ZNF236: variants seen among roughly 807,000 people sequenced by gnomAD.
The protein encoded by ZNF236 is zinc finger protein 236.
A neutral mutation model predicts 191.2 loss-of-function variants in ZNF236; 50 were observed. The ratio of observed to expected loss-of-function variants is 0.26; its 90% CI spans 0.21 to 0.33. ZNF236 has a LOEUF of 0.33. Among genes scored for constraint, ZNF236 ranks in the 10% least tolerant of loss-of-function variants. The pLI is 1.00. For missense variants in ZNF236, 1,754 were observed against 2,374.5 expected (o/e 0.74, Z 5.43); for synonymous variants, 907 against 928.8 (o/e 0.98, Z 0.43).
At position 76,947,515 on chromosome 18, in the gene ZNF236, T is replaced by C. The variant is rs1213441327; in HGVS notation, c.4783-6T>C. 4 of 1,610,418 alleles carry C rather than the reference T, an allele frequency of 2.5e-6. No individual in the cohort carries two copies. The Admixed American group carries it at 6.8e-5, about 27-fold the overall frequency. On this transcript the variant is annotated splice_polypyrimidine_tract_variant and splice_region_variant and intron_variant, in intron 26 of 30. Transcript: ENST00000320610. Reference sequence around the variant, plus strand: ...AACTTCTGAAATAGTACTAATCTTTTGCCAGGGTCAGCAGTTCCCAGCGCT... The same window carrying C: ...AACTTCTGAAATAGTACTAATCTTTCGCCAGGGTCAGCAGTTCCCAGCGCT...
At position 76,921,908 on chromosome 18, in the gene ZNF236, CAGTG is replaced by C. The variant is rs1967547304; in HGVS notation, c.3558-1159_3558-1156del. Among the ~76,000 whole-genome samples the C allele has an allele frequency of 2.0e-5, 3 of 151,934 alleles. No individual in the cohort carries two copies. The South Asian group carries it at 6.3e-4, about 32-fold the overall frequency. ...TAAAAAAGTTCAAGGTTCAGACTCC[CAGTG>C]AGTAAGTGTGATGAGAAACAAAAAA... On this transcript the variant is annotated intron_variant, in intron 20 of 30. Transcript: ENST00000320610.
At chr18:76,828,914 G>A (rs2122380824) in intron 1 of ZNF236, among the ~76,000 whole-genome samples, 1 of 152,136 alleles carries the variant, frequency 6.6e-6, no homozygotes, top group East Asian at 1.9e-4. Flanking sequence ...AATCTGCCCC[G>A]CTTGGCCTCC....
Position 76,875,725 on chromosome 18 carries a change from T to G in ZNF236, c.840+61T>G. 7.5e-6 allele frequency: 10 copies of G among 1,326,310 alleles called. No homozygotes were observed. Among genetic ancestry groups the G allele is most frequent in the Non-Finnish European group, 9.8e-6 (10 of 1,023,076 alleles). The allele number at this position is 1,326,310 out of a possible 1,614,324, so 82.2% of individuals were successfully genotyped here. A position where few individuals can be genotyped will look rare whatever the true frequency, so the allele number is the denominator to read the frequency against. On this transcript the variant is annotated intron_variant, in intron 6 of 30. Transcript: ENST00000320610. The surrounding 1 kb of genome is among the most constrained non-coding windows in gnomAD (Gnocchi z 4.3). ...AGGGGACAGTAGGTATCTTTTGGGTTAATAAACGGACCTGAGAAATTCTTT... is the reference window on the plus strand; with the variant it reads ...AGGGGACAGTAGGTATCTTTTGGGTGAATAAACGGACCTGAGAAATTCTTT...
intron 8 of ZNF236, 35 bp from the exon 9 acceptor site, chr18:76,881,249 T>C (rs1976883759): frequency 6.3e-7 from 1 of 1,585,844 alleles, no homozygotes; most frequent in African/African-American, 1.4e-5. Flanking sequence ...TGGGCCATCG[T>C]TACCTTCTAA....
rs772899305 is a variant in ZNF236, at chr18:76,881,382, A to G, written c.1287A>G (p.Pro429=). 1.2e-6 allele frequency: 2 copies of G among 1,614,180 alleles called. No homozygotes were observed. Among genetic ancestry groups the G allele is most frequent in the East Asian group, 4.5e-5 (2 of 44,880 alleles). ...CCTCTGCACCACACGCTCAAAACCC[A>G]GATGTTTCCAGCGTTTCAAATGAGC... The part of the protein sequence containing the change: ...AKTSAPHAQN[P]DVSSVSNEQT... Residue 429 remains proline, a synonymous_variant, in exon 9 of 31, where the codon CCA becomes CCG. Transcript: ENST00000320610.
At chr18:76,932,142 T>C (rs1171865408) in intron 25 of ZNF236, among the ~76,000 whole-genome samples, 2 of 152,114 alleles carry the variant, frequency 1.3e-5, no homozygotes, top group African/African-American at 4.8e-5. Flanking sequence ...GACTATAAAA[T>C]TACAGCTGTA....
intron 9 of ZNF236, 142 bp from the exon 10 acceptor site, chr18:76,894,871 G>A: frequency 1.7e-6 from 2 of 1,156,458 alleles, no homozygotes; most frequent in Non-Finnish European, 2.5e-6. Context: ...CCTAGCCCTC[G>A]ATAATGTCAG....
intron 26 of ZNF236, among the ~76,000 whole-genome samples, chr18:76,939,459 T>C (rs1288997531): frequency 1.3e-5 from 2 of 152,162 alleles, no homozygotes; most frequent in Non-Finnish European, 2.9e-5. Context: ...CTACCTGTCA[T>C]CTTGGTCACT....
chr18:76,842,549 C>T (rs1031581496), intron 1 of ZNF236, among the ~76,000 whole-genome samples: 3 of 151,402 alleles, frequency 2.0e-5, no homozygotes, highest in South Asian at 2.1e-4. Flanking sequence ...GTAGGGAGTT[C>T]GAGACCAGTG....
At position 76,927,665 on chromosome 18, in the gene ZNF236, T is replaced by C. The variant is rs1967741716; in HGVS notation, c.4414+148T>C. On this transcript the variant is annotated intron_variant, in intron 24 of 30. Coordinates refer to ENST00000320610, the MANE Select transcript of ZNF236 (RefSeq NM_001306089.2). This position sits in a 1 kb window ranked among gnomAD's most constrained non-coding sequence, Gnocchi z 5.4. ...AAATGTCCTGAGAATAAAATAAGCT[T>C]TTCTTACAATTAATGATATGTATTT... The C allele has an allele frequency of 1.8e-6, 2 of 1,124,878 alleles. No homozygotes were observed. The highest frequency in any genetic ancestry group is 5.2e-5 in the East Asian group (2 of 38,586). The allele number at this position is 1,124,878 out of a possible 1,614,324, so 69.7% of individuals were successfully genotyped here. A position where few individuals can be genotyped will look rare whatever the true frequency, so the allele number is the denominator to read the frequency against.
intron 3 of ZNF236, among the ~76,000 whole-genome samples, chr18:76,861,514 A>C (rs909126723): frequency 2.6e-5 from 4 of 152,224 alleles, no homozygotes; most frequent in Admixed American, 2.0e-4. Context: ...CTATTATTGC[A>C]TAAGAAAGGA....
rs533502746 is a variant in ZNF236, at chr18:76,866,053, T to A, written c.364-2632T>A. Among the ~76,000 whole-genome samples the A allele has an allele frequency of 4.6e-5, 7 of 152,374 alleles. No homozygotes were observed. The South Asian group carries it at 1.4e-3, about 32-fold the overall frequency. On this transcript the variant is annotated intron_variant, in intron 3 of 30. Transcript: ENST00000320610. The stretch of plus-strand genomic sequence containing the variant: ...AAACCAGAAAAATTACTGTAGTTTT[T>A]AAATCACTTAGGAATTTTTCTTAAA...
At chr18:76,922,758 T>A (rs997531846) in intron 20 of ZNF236, among the ~76,000 whole-genome samples, 3 of 152,106 alleles carry the variant, frequency 2.0e-5, no homozygotes, top group African/African-American at 4.8e-5. Context: ...GGTTTTACCA[T>A]GTTGGCCAGT....
chr18:76,887,461 C>T (rs1391915784), intron 9 of ZNF236: 1 of 152,190 alleles, frequency 6.6e-6, no homozygotes, highest in Non-Finnish European at 1.5e-5. Flanking sequence ...TTTCAGATAT[C>T]CAGTCACGTG....
In ZNF236 at chr18:76,968,284, AGGAGGT is replaced by A; in HGVS notation, c.5492_5497del (p.Glu1831_Val1832del). The A allele has an allele frequency of 6.2e-7, 1 of 1,611,182 alleles. No individual in the cohort carries two copies. Among genetic ancestry groups the A allele is most frequent in the Non-Finnish European group, 8.5e-7 (1 of 1,179,156 alleles). The stretch of plus-strand genomic sequence containing the variant: ...GAGCTGAGCCGGACCCTCCACCTGG[AGGAGGT>A]GGTGCAGGAGGCCGCCGGCGAGTGG... On this transcript the variant is annotated inframe_deletion, in exon 31 of 31. Coordinates refer to ENST00000320610, the MANE Select transcript of ZNF236 (RefSeq NM_001306089.2).
At chr18:76,953,070 G>T (rs1968446744) in intron 27 of ZNF236, among the ~76,000 whole-genome samples, 1 of 152,176 alleles carries the variant, frequency 6.6e-6, no homozygotes. Flanking sequence ...CATCTGAAGA[G>T]AAATCCATAC....
chr18:76,952,394 G>A lies in ZNF236; in HGVS notation c.4915-3591G>A, dbSNP rs925738616. On this transcript the variant is annotated intron_variant, in intron 27 of 30. Transcript: ENST00000320610. The stretch of plus-strand genomic sequence containing the variant: ...ATCCTAATGCTTTCTTGTCACAGAT[G>A]GAATGCACATTGACGCTTCCAGGCT... Among the ~76,000 whole-genome samples the A allele has an allele frequency of 3.9e-5, 6 of 152,202 alleles. No individual in the cohort carries two copies. In the East Asian group the frequency reaches 5.8e-4, roughly 15 times the overall value.
At position 76,923,191 on chromosome 18, in the gene ZNF236, T is replaced by A; in HGVS notation, c.3661+17T>A. The A allele has an allele frequency of 6.5e-7, 1 of 1,529,374 alleles. No homozygotes were observed. The highest frequency in any genetic ancestry group is 9.1e-7 in the Non-Finnish European group (1 of 1,102,862). 94.7% of individuals were successfully genotyped at this position (1,529,374 alleles called of 1,614,324 possible). A position where few individuals can be genotyped will look rare whatever the true frequency, so the allele number is the denominator to read the frequency against. On this transcript the variant is annotated intron_variant, in intron 21 of 30. Coordinates refer to ENST00000320610, the MANE Select transcript of ZNF236 (RefSeq NM_001306089.2). ...CTCACACAGGTAAGGAAAACATGCC[T>A]GCGTCATTGGTAGAGGTCTTAGGAT...
Position 76,912,281 on chromosome 18 carries a change from TGGACCTGCAGGCACAAGGTTCCCA to T in ZNF236, c.2845_2868del (p.Asp949_Gln956del). The T allele has an allele frequency of 6.2e-7, 1 of 1,614,246 alleles. No homozygotes were observed. The highest frequency in any genetic ancestry group is 8.5e-7 in the Non-Finnish European group (1 of 1,180,046). ...ATTCAGGAGTCATCCCAAGAGGAAC[TGGACCTGCAGGCACAAGGTTCCCA>T]GTTTCTGGAGGACAACGAGGACCAG... On this transcript the variant is annotated inframe_deletion, in exon 17 of 31. Transcript: ENST00000320610.
Sources: allele counts gnomAD v4.1 joint callset (sites outside exome capture counted in the v4.1 genomes callset), GRCh38; gene constraint gnomAD v4.1.1; non-coding constraint Gnocchi (gnomAD v3.1); transcripts MANE v1.5; gene names NCBI Gene and HGNC (gene_info 2026-07-23, HGNC 2026-07-21).